The following VOPP1 variants were observed in gnomAD, a reference collection of about 807,000 sequenced individuals.
VOPP1 encodes the protein VOPP1 WW domain binding protein.
In VOPP1, 8 loss-of-function variants were observed where a neutral mutation model predicts 23.5. The ratio of observed to expected loss-of-function variants is 0.34; its 90% CI spans 0.20 to 0.61. The LOEUF (loss-of-function observed/expected upper bound fraction) is 0.61. VOPP1 is among the 20% of genes least tolerant of loss of function. VOPP1 has a pLI of 0.78. For synonymous variants in VOPP1, 83 were observed against 97.3 expected (o/e 0.85, Z 0.86); for missense variants, 174 against 238.1 (o/e 0.73, Z 1.77).
intron 4 of VOPP1, among the ~76,000 whole-genome samples, chr7:55,451,311 A>T (rs1294045111): frequency 6.6e-6 from 1 of 152,234 alleles, no homozygotes; most frequent in Non-Finnish European, 1.5e-5. Context: ...AAGTACAGGA[A>T]TACCTGGGAA....
At chr7:55,447,014 C>T (rs1354887984) in intron 4 of VOPP1, among the ~76,000 whole-genome samples, 1 of 152,156 alleles carries the variant, frequency 6.6e-6, no homozygotes, top group African/African-American at 2.4e-5. Context: ...GCAGGGTGAA[C>T]GGGCTTGTGG....
At chr7:55,478,481 A>T (rs1375443233) in intron 4 of VOPP1, among the ~76,000 whole-genome samples, 2 of 152,232 alleles carry the variant, frequency 1.3e-5, no homozygotes, top group African/African-American at 4.8e-5. Flanking sequence ...ACAGAGAATA[A>T]AGAAGATTAA....
intron 4 of VOPP1, among the ~76,000 whole-genome samples, chr7:55,443,309 C>T (rs2128999829): frequency 6.6e-6 from 1 of 152,122 alleles, no homozygotes; most frequent in South Asian, 2.1e-4. Flanking sequence ...AATCCCAGCA[C>T]TTTGGGAGGC....
At chr7:55,491,666 T>C (rs1164848440) in intron 4 of VOPP1, among the ~76,000 whole-genome samples, 2 of 152,242 alleles carry the variant, frequency 1.3e-5, no homozygotes, top group African/African-American at 4.8e-5. Context: ...TAAGGCAATG[T>C]TTTACAAGAA....
At chr7:55,457,530 C>T (rs958408408) in intron 4 of VOPP1, among the ~76,000 whole-genome samples, 1 of 151,138 alleles carries the variant, frequency 6.6e-6, no homozygotes, top group Non-Finnish European at 1.5e-5. Context: ...TTTTGAGAAA[C>T]CTCTATACTG....
At chr7:55,483,045 G>A (rs145270319) in intron 4 of VOPP1, among the ~76,000 whole-genome samples, 135 of 152,244 alleles carry the variant, frequency 8.9e-4, no homozygotes, top group South Asian at 7.7e-3. Flanking sequence ...TCCAAGAGAC[G>A]AGCACTAACT....
intron 1 of VOPP1, among the ~76,000 whole-genome samples, chr7:55,556,638 C>CG (rs961233915): frequency 4.0e-5 from 6 of 148,912 alleles, no homozygotes; most frequent in Admixed American, 1.3e-4. Context: ...CTGTTGGAAC[C>CG]CCCCCCCAAA....
intron 1 of VOPP1, among the ~76,000 whole-genome samples, chr7:55,555,384 C>A (rs114482637): frequency 6.6e-6 from 1 of 152,344 alleles, no homozygotes; most frequent in African/African-American, 2.4e-5. Context: ...CTGGAAAGAA[C>A]AACTACTGCC....
chr7:55,519,157 T>C (rs1795675592), intron 2 of VOPP1, among the ~76,000 whole-genome samples: 2 of 152,188 alleles, frequency 1.3e-5, no homozygotes, highest in Admixed American at 6.5e-5. Context: ...GTTCTCATGG[T>C]GACTTCACTT....
At chr7:55,544,045 C>T (rs1354045098) in intron 1 of VOPP1, among the ~76,000 whole-genome samples, 1 of 152,122 alleles carries the variant, frequency 6.6e-6, no homozygotes. Context: ...TTTCATAGTT[C>T]CAGGTCTTAC....
chr7:55,545,696 GCT>G (rs1191545193), intron 1 of VOPP1, among the ~76,000 whole-genome samples: 1 of 152,114 alleles, frequency 6.6e-6, no homozygotes, highest in African/African-American at 2.4e-5. Context: ...GCCTGCTCGT[GCT>G]CTGTGCCTAA....
intron 4 of VOPP1, among the ~76,000 whole-genome samples, chr7:55,465,490 T>C (rs1465529954): frequency 6.6e-6 from 1 of 152,140 alleles, no homozygotes; most frequent in African/African-American, 2.4e-5. Context: ...CTCAAGAAAA[T>C]TCCTCCTTTC....
chr7:55,486,252 G>A (rs78188752), intron 4 of VOPP1, among the ~76,000 whole-genome samples: 1,747 of 152,326 alleles, frequency 0.011, 12 homozygotes, highest in Middle Eastern at 0.02. Context: ...AGGGCAGGCT[G>A]TAAAAAATTC....
intron 2 of VOPP1, among the ~76,000 whole-genome samples, chr7:55,498,576 C>T (rs1317037804): frequency 2.6e-5 from 4 of 152,176 alleles, no homozygotes; most frequent in Admixed American, 1.3e-4. Context: ...TAGAGCGTTT[C>T]GAGCCCAAGC....
chr7:55,501,984 T>C (rs753338102), intron 2 of VOPP1, among the ~76,000 whole-genome samples: 17 of 152,242 alleles, frequency 1.1e-4, no homozygotes, highest in Non-Finnish European at 2.4e-4. Flanking sequence ...GTCCCTCCAA[T>C]GCTGGCAGCC....
intron 1 of VOPP1, chr7:55,521,448 A>C (rs974739819): frequency 2.3e-5 from 18 of 787,782 alleles, no homozygotes; most frequent in Non-Finnish European, 2.9e-5. Flanking sequence ...AGATTACAAA[A>C]GAATGCTAGA....
intron 4 of VOPP1, among the ~76,000 whole-genome samples, chr7:55,445,770 G>C (rs1197619253): frequency 6.6e-6 from 1 of 152,090 alleles, no homozygotes; most frequent in African/African-American, 2.4e-5. Flanking sequence ...TGTCCAATAT[G>C]GTAGCCACTA....
chr7:55,554,689 C>CTCT (rs1416917610), intron 1 of VOPP1, among the ~76,000 whole-genome samples: 8 of 152,210 alleles, frequency 5.3e-5, no homozygotes, highest in Non-Finnish European at 8.8e-5. Flanking sequence ...AAAGGGTGAG[C>CTCT]TCTGCTTCAG....
chr7:55,524,490 T>C (rs1055973035), intron 1 of VOPP1, among the ~76,000 whole-genome samples: 3 of 152,234 alleles, frequency 2.0e-5, no homozygotes, highest in African/African-American at 4.8e-5. Context: ...AGCTTTCTCC[T>C]GAGGAATGCC....
Sources: gnomAD v4.1 joint callset for allele counts (sites outside exome capture counted in the v4.1 genomes callset) on GRCh38, gnomAD v4.1.1 for gene constraint, MANE v1.5 for transcripts, NCBI Gene and HGNC (gene_info 2026-07-23, HGNC 2026-07-21) for gene names.